Variants in SNTG1 observed in about 807,000 individuals in gnomAD.
SNTG1 encodes gamma-1-syntrophin.
A neutral mutation model predicts 74.7 loss-of-function variants in SNTG1; 39 were observed. That is an observed-to-expected ratio of 0.52 (90% CI 0.40 to 0.68). The LOEUF (loss-of-function observed/expected upper bound fraction) is 0.68. Among genes scored for constraint, SNTG1 ranks in the 30% least tolerant of loss-of-function variants. The pLI is 0.00. For synonymous variants in SNTG1, 254 were observed against 217.1 expected, an observed-to-expected ratio of 1.17 and a Z score of -1.49; for missense variants, 685 against 609.5, an observed-to-expected ratio of 1.12 and a Z score of -1.30.
chr8:50,456,269 T>G (rs1317369897), intron 8 of SNTG1, among the ~76,000 whole-genome samples: 1 of 152,186 alleles, frequency 6.6e-6, no homozygotes, highest in Non-Finnish European at 1.5e-5. Flanking sequence ...CTCTTATTTT[T>G]TGAGTGAAGT....
At chr8:49,940,082 G>A (rs1255120426) in intron 1 of SNTG1, among the ~76,000 whole-genome samples, 1 of 152,128 alleles carries the variant, frequency 6.6e-6, no homozygotes, top group Admixed American at 6.5e-5. Context: ...GTATAATCTG[G>A]AGTCTGTGAA....
At chr8:50,285,621 T>A (rs113655038) in intron 2 of SNTG1, among the ~76,000 whole-genome samples, 9,213 of 152,024 alleles carry the variant, frequency 0.061, 316 homozygotes, top group South Asian at 0.073. Flanking sequence ...TTCATGTCTG[T>A]TTATCCATCC....
At chr8:50,515,599 C>T (rs910099840) in intron 9 of SNTG1, among the ~76,000 whole-genome samples, 1 of 152,030 alleles carries the variant, frequency 6.6e-6, no homozygotes, top group Non-Finnish European at 1.5e-5. Flanking sequence ...TGATCTGGGA[C>T]ACTCAAGCTT....
At chr8:50,510,472 A>G (rs1340750978) in intron 9 of SNTG1, among the ~76,000 whole-genome samples, 1 of 152,146 alleles carries the variant, frequency 6.6e-6, no homozygotes, top group Non-Finnish European at 1.5e-5. Flanking sequence ...ATTGATTGGA[A>G]TAGTTTCAGA....
At chr8:49,969,918 CTGTGTG>C (rs34129313) in intron 1 of SNTG1, among the ~76,000 whole-genome samples, 32 of 149,096 alleles carry the variant, frequency 2.1e-4, no homozygotes, top group African/African-American at 5.9e-4. Context: ...AATAAAAAAC[CTGTGTG>C]TGTGTGTGTG....
chr8:50,090,331 G>C (rs188551152), intron 1 of SNTG1, among the ~76,000 whole-genome samples: 1 of 152,308 alleles, frequency 6.6e-6, no homozygotes, highest in East Asian at 1.9e-4. Context: ...CCCATCTTAA[G>C]TGGGGGACTC....
At chr8:50,506,959 A>G (rs1285698576) in intron 9 of SNTG1, among the ~76,000 whole-genome samples, 1 of 152,072 alleles carries the variant, frequency 6.6e-6, no homozygotes. Flanking sequence ...TTATATATGA[A>G]TGACCTTTAT....
intron 13 of SNTG1, among the ~76,000 whole-genome samples, chr8:50,654,409 T>TTC (rs2095167926): frequency 6.6e-6 from 1 of 152,174 alleles, no homozygotes; most frequent in Non-Finnish European, 1.5e-5. Context: ...TTTGTCTAAT[T>TTC]TCTAAATGGA....
At chr8:50,527,288 G>A (rs1277349533) in intron 9 of SNTG1, among the ~76,000 whole-genome samples, 1 of 151,952 alleles carries the variant, frequency 6.6e-6, no homozygotes, top group African/African-American at 2.4e-5. Context: ...CTTAGTCTTT[G>A]TATATCTACA....
chr8:50,362,125 A>G (rs1300209293), intron 2 of SNTG1, among the ~76,000 whole-genome samples: 1 of 152,092 alleles, frequency 6.6e-6, no homozygotes, highest in Non-Finnish European at 1.5e-5. Context: ...TTGTATAGAA[A>G]ATCACCTCAG....
intron 1 of SNTG1, among the ~76,000 whole-genome samples, chr8:50,141,545 T>G (rs2081656874): frequency 6.6e-6 from 1 of 152,160 alleles, no homozygotes; most frequent in Admixed American, 6.6e-5. Flanking sequence ...GCTAGGAAGG[T>G]TAGCTAATTA....
intron 4 of SNTG1, among the ~76,000 whole-genome samples, chr8:50,425,449 C>A (rs1470887951): frequency 6.6e-6 from 1 of 152,126 alleles, no homozygotes; most frequent in African/African-American, 2.4e-5. Context: ...CTGTCACTGT[C>A]TCTCATCACC....
intron 1 of SNTG1, among the ~76,000 whole-genome samples, chr8:50,142,340 T>A (rs2081691090): frequency 6.6e-6 from 1 of 151,968 alleles, no homozygotes; most frequent in African/African-American, 2.4e-5. Context: ...GGACATAAAG[T>A]TTATAACAGA....
At chr8:50,431,923 C>CAAG (rs1477806825) in intron 4 of SNTG1, among the ~76,000 whole-genome samples, 1 of 152,114 alleles carries the variant, frequency 6.6e-6, no homozygotes, top group Non-Finnish European at 1.5e-5. Context: ...ATTTTGGATA[C>CAAG]AAGTCTTCTA....
chr8:50,553,160 C>G lies in SNTG1; in HGVS notation c.791C>G (p.Ser264Ter). The G allele has an allele frequency of 6.2e-7, 1 of 1,613,816 alleles. No homozygotes were observed. Among genetic ancestry groups the G allele is most frequent in the Non-Finnish European group, 8.5e-7 (1 of 1,179,828 alleles). Residue 264 changes from serine (S) to a stop codon, truncating the protein, a stop_gained, in exon 12 of 19, where the codon TCA becomes TGA. Coordinates refer to ENST00000642720, the MANE Select transcript of SNTG1 (RefSeq NM_018967.5). LOFTEE classifies it high-confidence loss of function. ...DWLQAIATNI[S>*]NLTKHNIKKI... ...CTACAAGCAATAGCAACTAACATTT[C>G]AAATCTCACAAAGCACAATGTAAGT...
chr8:50,655,585 T>A (rs1413755275), intron 13 of SNTG1, among the ~76,000 whole-genome samples: 1 of 152,194 alleles, frequency 6.6e-6, no homozygotes, highest in African/African-American at 2.4e-5. Flanking sequence ...ATCCCTTAAT[T>A]TGTTAATTCA....
intron 2 of SNTG1, among the ~76,000 whole-genome samples, chr8:50,175,986 G>C (rs2082985324): frequency 6.6e-6 from 1 of 152,194 alleles, no homozygotes. Flanking sequence ...GTCCTCAGCT[G>C]TCACAACTGG....
At chr8:50,701,802 CTT>C (rs1585584738) in intron 15 of SNTG1, among the ~76,000 whole-genome samples, 22 of 146,262 alleles carry the variant, frequency 1.5e-4, no homozygotes, top group East Asian at 9.9e-4. Context: ...TCCTCCTCCT[CTT>C]CTTCTTCTTC....
chr8:50,027,831 C>A (rs1396107384), intron 1 of SNTG1, among the ~76,000 whole-genome samples: 1 of 152,126 alleles, frequency 6.6e-6, no homozygotes, highest in Admixed American at 6.5e-5. Context: ...GATTTTTGTT[C>A]ACCTTCTCTA....
Sources: allele counts gnomAD v4.1 joint callset (sites outside exome capture counted in the v4.1 genomes callset), GRCh38; gene constraint gnomAD v4.1.1; transcripts MANE v1.5; gene names NCBI Gene and HGNC (gene_info 2026-07-23, HGNC 2026-07-21).